Variants in PEAK1 observed in about 807,000 individuals in gnomAD.
PEAK1 encodes pseudopodium enriched atypical kinase 1, also known as inactive tyrosine-protein kinase PEAK1.
Under a neutral mutation model 124.7 loss-of-function variants are expected in PEAK1, and 54 were observed. That is an observed-to-expected ratio of 0.43 (90% confidence interval 0.35 to 0.54). The LOEUF (loss-of-function observed/expected upper bound fraction) is 0.54, where lower values mean the gene tolerates loss of function less well. Ranked by LOEUF, PEAK1 falls within the 20% of genes least tolerant of loss-of-function variation. The probability of loss-of-function intolerance (pLI) is 0.01; values close to 1 mark genes in which losing one functional copy is unlikely to be tolerated. For missense variants in PEAK1, 2,046 were observed against 2,134.5 expected (o/e 0.96, Z 0.82); for synonymous variants, 719 against 760.0 (o/e 0.95, Z 0.89).
intron 8 of PEAK1, among the ~76,000 whole-genome samples, chr15:77,153,961 G>C (rs1043568524): frequency 6.6e-6 from 1 of 152,172 alleles, no homozygotes; most frequent in African/African-American, 2.4e-5. Flanking sequence ...TGTATATTCT[G>C]TTGATTTGGG....
intron 6 of PEAK1, among the ~76,000 whole-genome samples, chr15:77,228,629 C>A (rs935784481): frequency 1.3e-5 from 2 of 152,030 alleles, no homozygotes; most frequent in African/African-American, 4.8e-5. Flanking sequence ...TGGGTAGGTC[C>A]CAGGCAGGGC....
At chr15:77,352,118 A>T in intron 2 of PEAK1, 1 of 874,928 alleles carries the variant, frequency 1.1e-6, no homozygotes, top group South Asian at 5.3e-5. Context: ...TACTCAGGAG[A>T]TTGAGGTGTA....
downstream of PEAK1, chr15:77,105,403 CAAGG>C (rs541669544): frequency 3.7e-4 from 57 of 152,248 alleles, no homozygotes; most frequent in African/African-American, 1.3e-3. Context: ...TCTGGGATCT[CAAGG>C]AAGTCAGTTT....
At chr15:77,241,685 T>C (rs897082583) in intron 6 of PEAK1, among the ~76,000 whole-genome samples, 1 of 151,488 alleles carries the variant, frequency 6.6e-6, no homozygotes, top group Non-Finnish European at 1.5e-5. Context: ...AATGTACTAA[T>C]AGAAACCAAA....
chr15:77,393,501 A>G (rs894515485), intron 1 of PEAK1, among the ~76,000 whole-genome samples: 3 of 152,124 alleles, frequency 2.0e-5, no homozygotes, highest in Non-Finnish European at 4.4e-5. Context: ...TAGTTCCTGG[A>G]CCACATTTCT....
intron 5 of PEAK1, among the ~76,000 whole-genome samples, chr15:77,265,812 T>C (rs1272362984): frequency 6.6e-6 from 1 of 152,064 alleles, no homozygotes; most frequent in Non-Finnish European, 1.5e-5. Context: ...CACACGTATG[T>C]TTATTGTGGC....
intron 7 of PEAK1, among the ~76,000 whole-genome samples, chr15:77,162,613 A>AG (rs920438060): frequency 5.0e-5 from 1 of 19,818 alleles, no homozygotes; most frequent in Non-Finnish European, 2.4e-4. Flanking sequence ...ATCTCCTAAC[A>AG]AATGTTTTAC....
intron 6 of PEAK1, among the ~76,000 whole-genome samples, chr15:77,231,062 T>C (rs1444381220): frequency 6.6e-6 from 1 of 152,122 alleles, no homozygotes; most frequent in East Asian, 1.9e-4. Context: ...TGATGACTGA[T>C]TTAAGCTGTC....
rs964295135 is a variant in PEAK1 at position 77,158,304 on chromosome 15, G to A, written c.3331+199C>T. ...TTAATAACCCTTAGCACTTGGCACA[G>A]GGCTCATGGGTGCAGGTGTTTAATA... is the stretch of plus-strand genomic sequence containing the variant. On this transcript the variant is annotated intron_variant, in intron 8 of 9. Transcript: ENST00000682557. The A allele has an allele frequency of 6.9e-5, 39 of 568,924 alleles. No individual in the cohort carries two copies. The African/African-American group carries it at 7.1e-4, about 10-fold the overall frequency. The allele number at this position is 568,924 out of a possible 1,614,324, so 35.2% of individuals were successfully genotyped here.
intron 5 of PEAK1, chr15:77,278,832 G>GTTTT (rs34583265): frequency 0.039 from 8,833 of 224,430 alleles, 211 homozygotes; most frequent in African/African-American, 0.077. Context: ...AATTTTGTGG[G>GTTTT]TTTTTTTTTT....
chr15:77,185,300 G>A (rs2057485317), intron 6 of PEAK1, among the ~76,000 whole-genome samples: 1 of 151,812 alleles, frequency 6.6e-6, no homozygotes, highest in African/African-American at 2.4e-5. Flanking sequence ...TGAGAATTCT[G>A]TGGTTCTCCT....
rs908422817 is a variant in PEAK1 at position 77,355,899 on chromosome 15, A to C, written c.-603+9264T>G. ...GGAAAAATGGAGAGAACTCAGAAAA[A>C]CCCCTGGGTTGACTAGGACCCCTGT... On this transcript the variant is annotated intron_variant, in intron 2 of 9. Transcript: ENST00000682557. 6 of 985,046 alleles carry C rather than the reference A, an allele frequency of 6.1e-6. No individual in the cohort carries two copies. The East Asian group carries it at 6.8e-4, about 112-fold the overall frequency. 61.0% of individuals were successfully genotyped at this position (985,046 alleles called of 1,614,324 possible).
At position 77,284,140 on chromosome 15, in the gene PEAK1, T is replaced by A. The variant is rs574016310; in HGVS notation, c.-422-110A>T. On this transcript the variant is annotated intron_variant, in intron 4 of 9. Coordinates refer to ENST00000682557, the MANE Select transcript of PEAK1 (RefSeq NM_001385026.1). ...CATGTAAACAATGAAGAGAATGATATTTAACCCACAAGAGTATGGTGATGA... is the reference window on the plus strand; with the variant it reads ...CATGTAAACAATGAAGAGAATGATAATTAACCCACAAGAGTATGGTGATGA... The A allele has an allele frequency of 1.1e-4, 51 of 444,792 alleles. 1 individual carries two copies. The South Asian group carries it at 2.7e-3, about 23-fold the overall frequency. The allele number at this position is 444,792 out of a possible 1,614,324, so 27.6% of individuals were successfully genotyped here.
Position 77,182,037 on chromosome 15 carries a change from C to T in PEAK1, c.-111G>A, listed in dbSNP as rs2057301959. The T allele has an allele frequency of 2.2e-5, 32 of 1,442,104 alleles. No homozygotes were observed. Among genetic ancestry groups the T allele is most frequent in the Non-Finnish European group, 2.6e-5 (29 of 1,103,180 alleles). The allele number at this position is 1,442,104 out of a possible 1,614,324, so 89.3% of individuals were successfully genotyped here. A position where few individuals can be genotyped will look rare whatever the true frequency, so the allele number is the denominator to read the frequency against. The stretch of plus-strand genomic sequence containing the variant: ...TTACAGCAGCTCTTCTAAGAATGAT[C>T]AATCTGTGGAGGGGAAAAGAAGACA... On this transcript the variant is annotated 5_prime_UTR_variant, in exon 7 of 10. Transcript: ENST00000682557.
At chr15:77,294,591 C>T (rs896185249) in intron 2 of PEAK1, among the ~76,000 whole-genome samples, 1 of 152,106 alleles carries the variant, frequency 6.6e-6, no homozygotes, top group Non-Finnish European at 1.5e-5. Context: ...TATGAATGCA[C>T]ATTGAAATGT....
At chr15:77,306,620 T>C (rs535625724) in intron 2 of PEAK1, among the ~76,000 whole-genome samples, 65 of 152,302 alleles carry the variant, frequency 4.3e-4, no homozygotes, top group African/African-American at 1.5e-3. Context: ...AAGGTTACTT[T>C]GTCTTTGGCA....
intron 1 of PEAK1, chr15:77,419,352 G>GA (rs2073166924): frequency 1.0e-6 from 1 of 985,126 alleles, no homozygotes; most frequent in African/African-American, 1.7e-5. Flanking sequence ...ATCGAAGGAG[G>GA]AAAGAAAAGT....
intron 7 of PEAK1, among the ~76,000 whole-genome samples, chr15:77,175,272 A>C (rs2056781572): frequency 6.6e-6 from 1 of 152,224 alleles, no homozygotes; most frequent in Non-Finnish European, 1.5e-5. Flanking sequence ...TAAACTAAAG[A>C]GCTTCTGCAC....
chr15:77,237,813 C>T (rs528137341), intron 6 of PEAK1, among the ~76,000 whole-genome samples: 14 of 152,154 alleles, frequency 9.2e-5, no homozygotes, highest in Non-Finnish European at 1.3e-4. Context: ...TGAAATATCT[C>T]TTCGTTTCTT....
Sources: gnomAD v4.1 joint callset for allele counts (sites outside exome capture counted in the v4.1 genomes callset) on GRCh38, gnomAD v4.1.1 for gene constraint, MANE v1.5 for transcripts, NCBI Gene and HGNC (gene_info 2026-07-23, HGNC 2026-07-21) for gene names.